Variants in CTNS observed in about 807,000 individuals in gnomAD.
CTNS encodes the protein cystinosin.
In CTNS, 27 loss-of-function variants were observed where a neutral mutation model predicts 43.7. The ratio of observed to expected loss-of-function variants is 0.62; its 90% CI spans 0.46 to 0.85. The LOEUF is 0.85. CTNS is among the 40% of genes least tolerant of loss of function. The pLI is 0.00. For synonymous variants in CTNS, 187 were observed against 190.6 expected (o/e 0.98, Z 0.16); for missense variants, 457 against 475.4 (o/e 0.96, Z 0.36).
chr17:3,647,590 CT>C (rs1487125708), intron 4 of CTNS, 68 bp downstream of exon 4: 2 of 1,329,464 alleles, frequency 1.5e-6, no homozygotes, highest in Non-Finnish European at 2.2e-6. Context: ...GGGCTGACCC[CT>C]GGCTCAGTCT....
chr17:3,641,384 A>ATATATATATATATATATTT (rs1555558526), intron 3 of CTNS, among the ~76,000 whole-genome samples: 2 of 31,198 alleles, frequency 6.4e-5, no homozygotes, highest in African/African-American at 2.3e-4. Flanking sequence ...ATATATATAT[A>ATATATATATATATATATTT]TTTTTTTTTT....
Position 3,659,966 on chromosome 17 carries a change from TACA to T in CTNS, c.967_969del (p.Asn323del), listed in dbSNP as rs2076248095. The T allele has an allele frequency of 1.9e-6, 3 of 1,613,014 alleles. No homozygotes were observed. The highest frequency in any genetic ancestry group is 2.5e-6 in the Non-Finnish European group (3 of 1,179,464). ...CCTCCTGCAGATGTTCCTCCAGTCCTACAACAACGGTGAGTCAGCCAGCGGGCT... is the reference window on the plus strand; with the variant it reads ...CCTCCTGCAGATGTTCCTCCAGTCCTACAACGGTGAGTCAGCCAGCGGGCT... On this transcript the variant is annotated inframe_deletion, in exon 11 of 12. Transcript: ENST00000046640.
chr17:3,646,884 C>T (rs1367407484), intron 3 of CTNS, among the ~76,000 whole-genome samples: 5 of 152,144 alleles, frequency 3.3e-5, no homozygotes, highest in Admixed American at 2.0e-4. Flanking sequence ...CCTCCAGTAC[C>T]CCGCAGATAG....
intron 3 of CTNS, among the ~76,000 whole-genome samples, chr17:3,645,013 C>T (rs886604148): frequency 1.3e-5 from 2 of 152,214 alleles, no homozygotes; most frequent in African/African-American, 2.4e-5. Flanking sequence ...TCTGGCTGGC[C>T]GCCCAGCATC....
Position 3,660,283 on chromosome 17 carries a change from G to A in CTNS, c.1018G>A (p.Val340Ile), listed in dbSNP as rs2076254952. ...AGACCCAACCAAGTTTGGACTCGGG[G>A]TCTTCTCCATCGTCTTCGACGTCGT... The part of the protein sequence containing the change: ...FGDPTKFGLG[V>I]FSIVFDVVFF... The change falls in exon 12 of 12, where the codon GTC becomes ATC. Residue 340 changes from valine (V) to isoleucine (I), a missense_variant. Coordinates refer to ENST00000046640, the MANE Select transcript of CTNS (RefSeq NM_004937.3). 4 of 1,614,254 alleles carry A rather than the reference G, an allele frequency of 2.5e-6. No individual in the cohort carries two copies. Among genetic ancestry groups the A allele is most frequent in the Non-Finnish European group, 1.7e-6 (2 of 1,180,044 alleles).
intron 5 of CTNS, among the ~76,000 whole-genome samples, chr17:3,654,023 T>C (rs1393680911): frequency 6.6e-6 from 1 of 152,200 alleles, no homozygotes; most frequent in Non-Finnish European, 1.5e-5. Context: ...GCCTCATGTA[T>C]GTGCCTCCTC....
At chr17:3,653,886 AT>A (rs201594628) in intron 5 of CTNS, among the ~76,000 whole-genome samples, 2 of 149,772 alleles carry the variant, frequency 1.3e-5, no homozygotes, top group African/African-American at 4.9e-5. Context: ...CGGGGGAAAA[AT>A]AAAGTCTCAG....
chr17:3,642,024 C>G (rs1007709255), intron 3 of CTNS, among the ~76,000 whole-genome samples: 5 of 128,922 alleles, frequency 3.9e-5, no homozygotes, highest in African/African-American at 1.5e-4. Flanking sequence ...TGTGCGCGCG[C>G]GTGTATTTGC....
In CTNS at chr17:3,655,321, C is replaced by T. The variant is rs758203278; in HGVS notation, c.430C>T (p.Pro144Ser). Residue 144 changes from proline to serine, a missense_variant, in exon 7 of 12, where the codon CCT becomes TCT. By Grantham distance (74) the Pro-to-Ser change is moderately conservative (BLOSUM62 -1). Transcript: ENST00000046640. The stretch of plus-strand genomic sequence containing the variant: ...TGTGGCCTGGTCCATCTCCTTCTAC[C>T]CTCAGGTGATCATGAATTGGAGGCG... ...YFVAWSISFYPQVIMNWRRKS... is the reference protein window; with the variant it reads ...YFVAWSISFYSQVIMNWRRKS... The T allele has an allele frequency of 3.1e-6, 5 of 1,614,070 alleles. No individual in the cohort carries two copies. The highest frequency in any genetic ancestry group is 1.6e-4 in the Middle Eastern group (1 of 6,080).
chr17:3,638,412 AT>A (rs1475650115), intron 2 of CTNS, among the ~76,000 whole-genome samples: 1 of 151,756 alleles, frequency 6.6e-6, no homozygotes, highest in Non-Finnish European at 1.5e-5. Flanking sequence ...TAATTTTTGT[AT>A]TTTTAGTAGA....
At chr17:3,656,948 C>T in intron 9 of CTNS, 153 bp downstream of exon 9, 3 of 1,246,650 alleles carry the variant, frequency 2.4e-6, no homozygotes, top group South Asian at 1.3e-5. Flanking sequence ...CCCATGAGTC[C>T]AGGCCCTCAG....
rs1597668134 is a variant in CTNS, at chr17:3,661,072, C to A, written c.*703C>A. On this transcript the variant is annotated 3_prime_UTR_variant, in exon 12 of 12. Coordinates refer to ENST00000046640, the MANE Select transcript of CTNS (RefSeq NM_004937.3). ...GGGACGTTTGGAAGTGGCTTACTCT[C>A]TTCTGCCCTCTCTCCTACCTCCACC... is the stretch of plus-strand genomic sequence containing the variant. 5.3e-6 allele frequency: 2 copies of A among 378,930 alleles called. No homozygotes were observed. Among genetic ancestry groups the A allele is most frequent in the Non-Finnish European group, 5.1e-6 (1 of 196,904 alleles). 23.5% of individuals were successfully genotyped at this position (378,930 alleles called of 1,614,324 possible). A position where few individuals can be genotyped will look rare whatever the true frequency, so the allele number is the denominator to read the frequency against.
intron 5 of CTNS, among the ~76,000 whole-genome samples, chr17:3,653,488 A>G (rs138804098): frequency 6.6e-6 from 1 of 152,298 alleles, no homozygotes; most frequent in East Asian, 1.9e-4. Flanking sequence ...TGGGTGGAGT[A>G]TTATCCAGGG....
In CTNS at chr17:3,656,698, C is replaced by T. The variant is rs1488792921; in HGVS notation, c.584C>T (p.Pro195Leu). ...YIKEQFLLKY[P>L]NGVNPVNSND... ...CAGGAGCAGTTTCTCCTCAAATACC[C>T]CAACGGAGTGAACCCCGTGAACAGC... The change falls in exon 9 of 12, where the codon CCC becomes CTC. Residue 195 changes from proline (P) to leucine (L), a missense_variant. By Grantham distance (98) the Pro-to-Leu change is moderately conservative. Coordinates refer to ENST00000046640, the MANE Select transcript of CTNS (RefSeq NM_004937.3). 1 of 1,613,292 alleles carries T rather than the reference C, an allele frequency of 6.2e-7. No individual in the cohort carries two copies. The highest frequency in any genetic ancestry group is 8.5e-7 in the Non-Finnish European group (1 of 1,179,906).
At chr17:3,648,737 T>C (rs1597623577) in intron 4 of CTNS, 110 bp from the exon 5 acceptor site, 2 of 935,488 alleles carry the variant, frequency 2.1e-6, no homozygotes, top group Non-Finnish European at 3.5e-6. Flanking sequence ...CACCTAGCAT[T>C]TCCTAAGCCT....
At chr17:3,641,382 ATATTTTT>A (rs1304221539) in intron 3 of CTNS, among the ~76,000 whole-genome samples, 1 of 39,964 alleles carries the variant, frequency 2.5e-5, no homozygotes, top group Non-Finnish European at 3.7e-5. Flanking sequence ...ATATATATAT[ATATTTTT>A]TTTTTTTTTT....
chr17:3,647,694 C>T (rs893481168), intron 4 of CTNS, 172 bp downstream of exon 4: 7 of 676,274 alleles, frequency 1.0e-5, no homozygotes, highest in African/African-American at 3.5e-5. Context: ...AGGATGGGAT[C>T]GCAAAGGCTG....
intron 5 of CTNS, among the ~76,000 whole-genome samples, chr17:3,654,050 A>G (rs960489637): frequency 5.3e-5 from 8 of 152,176 alleles, no homozygotes; most frequent in African/African-American, 1.9e-4. Context: ...GTCACTTGGC[A>G]GCCAGGCTGG....
intron 5 of CTNS, among the ~76,000 whole-genome samples, chr17:3,650,787 T>A (rs1013786914): frequency 6.6e-6 from 1 of 152,176 alleles, no homozygotes; most frequent in Non-Finnish European, 1.5e-5. Flanking sequence ...TATTTTTATG[T>A]ATTCATTTAT....
Sources: allele counts gnomAD v4.1 joint callset (sites outside exome capture counted in the v4.1 genomes callset), GRCh38; gene constraint gnomAD v4.1.1; transcripts MANE v1.5; gene names NCBI Gene and HGNC (gene_info 2026-07-23, HGNC 2026-07-21).